Variants in SLC24A4 observed in about 807,000 individuals in gnomAD.
SLC24A4 encodes the protein sodium/potassium/calcium exchanger 4.
Under a neutral mutation model 79.0 loss-of-function variants are expected in SLC24A4, and 53 were observed. The ratio of observed to expected loss-of-function variants is 0.67; its 90% CI spans 0.54 to 0.84. SLC24A4 has a LOEUF of 0.84. Ranked by LOEUF, SLC24A4 falls within the 40% of genes least tolerant of loss-of-function variation. The pLI, the probability that SLC24A4 is intolerant of heterozygous loss-of-function variation, is 0.00. For synonymous variants in SLC24A4, 323 were observed against 323.8 expected, an observed-to-expected ratio of 1.00 and a Z score of 0.03; for missense variants, 731 against 822.0, an observed-to-expected ratio of 0.89 and a Z score of 1.35.
intron 2 of SLC24A4, among the ~76,000 whole-genome samples, chr14:92,376,886 CTT>C (rs2141701215): frequency 6.6e-6 from 1 of 152,234 alleles, no homozygotes; most frequent in South Asian, 2.1e-4. Flanking sequence ...GCCAAGGAGT[CTT>C]TTAAACATCC....
At chr14:92,339,394 C>A (rs762298680) in intron 2 of SLC24A4, among the ~76,000 whole-genome samples, 3 of 152,212 alleles carry the variant, frequency 2.0e-5, no homozygotes, top group Non-Finnish European at 4.4e-5. Context: ...TAGCAGTGTC[C>A]TAAGTGCTTT....
chr14:92,362,368 T>TCTC (rs1395332713), intron 2 of SLC24A4, among the ~76,000 whole-genome samples: 1 of 152,152 alleles, frequency 6.6e-6, no homozygotes, highest in Non-Finnish European at 1.5e-5. Flanking sequence ...CTGCTCCCTC[T>TCTC]CTCACCCCGC....
chr14:92,468,627 G>C (rs550652311), intron 12 of SLC24A4, among the ~76,000 whole-genome samples: 1 of 152,274 alleles, frequency 6.6e-6, no homozygotes, highest in South Asian at 2.1e-4. Context: ...ATTAGCTTTT[G>C]ACAAGGGTAA....
At position 92,442,809 on chromosome 14, in the gene SLC24A4, C is replaced by A; in HGVS notation, c.575C>A (p.Ala192Asp). 6.2e-7 allele frequency: 1 copy of A among 1,613,762 alleles called. No homozygotes were observed. The highest frequency in any genetic ancestry group is 2.2e-5 in the East Asian group (1 of 44,884). Residue 192 changes from alanine to aspartate, a missense_variant, in exon 6 of 17, where the codon GCT becomes GAT. Ala to Asp is a moderately radical substitution (Grantham distance 126, BLOSUM62 -2). Coordinates refer to ENST00000532405, the MANE Select transcript of SLC24A4 (RefSeq NM_153646.4). ...LCIIGVCGLF[A>D]GQVVRLTWWA... ...ATAATTGGAGTGTGCGGACTGTTTG[C>A]TGGCCAGGTCAGTGGTTTCTCCCTG... is the stretch of plus-strand genomic sequence containing the variant.
At chr14:92,373,686 C>T (rs568355816) in intron 2 of SLC24A4, among the ~76,000 whole-genome samples, 16 of 152,284 alleles carry the variant, frequency 1.1e-4, no homozygotes, top group African/African-American at 3.1e-4. Flanking sequence ...CTGTGGGTTT[C>T]GACGACCGCA....
chr14:92,427,757 G>A (rs538910946), intron 2 of SLC24A4, among the ~76,000 whole-genome samples: 7 of 152,246 alleles, frequency 4.6e-5, no homozygotes, highest in Non-Finnish European at 1.0e-4. Flanking sequence ...AGGGAAGGCC[G>A]AAGGAGCAGC....
At chr14:92,488,930 C>T (rs983478327) in intron 14 of SLC24A4, among the ~76,000 whole-genome samples, 12 of 152,108 alleles carry the variant, frequency 7.9e-5, no homozygotes, top group Admixed American at 6.5e-4. Context: ...TAAGGGCTTG[C>T]AGGAGTGGGG....
chr14:92,413,156 C>T (rs1027858317), intron 2 of SLC24A4, among the ~76,000 whole-genome samples: 1 of 152,150 alleles, frequency 6.6e-6, no homozygotes, highest in Non-Finnish European at 1.5e-5. Flanking sequence ...GTTTAAGATA[C>T]TCTCATCCTG....
intron 14 of SLC24A4, among the ~76,000 whole-genome samples, chr14:92,489,190 C>A (rs1895537915): frequency 2.0e-5 from 3 of 151,970 alleles, no homozygotes; most frequent in African/African-American, 7.3e-5. Flanking sequence ...GTAATCCCAG[C>A]ACTTTGGGAG....
chr14:92,444,744 A>C (rs934401912), intron 7 of SLC24A4, among the ~76,000 whole-genome samples: 1 of 152,056 alleles, frequency 6.6e-6, no homozygotes, highest in African/African-American at 2.4e-5. Context: ...AATTCCAACT[A>C]CTTGGGAGCC....
chr14:92,439,267 G>A (rs1241521667), intron 3 of SLC24A4, 68 bp from the exon 4 acceptor site: 4 of 1,365,668 alleles, frequency 2.9e-6, no homozygotes, highest in South Asian at 1.2e-5. Flanking sequence ...GGTTTGGGGT[G>A]TGGTGGGCCC....
chr14:92,480,369 C>T lies in SLC24A4; in HGVS notation c.1256-2311C>T, dbSNP rs545438645. On this transcript the variant is annotated intron_variant, in intron 12 of 16. Transcript: ENST00000532405. Reference sequence around the variant, plus strand: ...ACTGCAGTGGCACAATCTCAGCTCACTGCAAGCTCCACTTCCCGGGTTCAC... The same window carrying T: ...ACTGCAGTGGCACAATCTCAGCTCATTGCAAGCTCCACTTCCCGGGTTCAC... Among the ~76,000 whole-genome samples the T allele has an allele frequency of 1.5e-4, 18 of 121,640 alleles. 1 individual carries two copies. The South Asian group carries it at 4.7e-3, about 32-fold the overall frequency. The allele number at this position is 121,640 out of a possible 152,430, so 79.8% of individuals were successfully genotyped here. A position where few individuals can be genotyped will look rare whatever the true frequency, so the allele number is the denominator to read the frequency against.
At chr14:92,400,549 C>T (rs1326244477) in intron 2 of SLC24A4, among the ~76,000 whole-genome samples, 5 of 151,838 alleles carry the variant, frequency 3.3e-5, no homozygotes, top group Non-Finnish European at 1.5e-5. Flanking sequence ...GCTCTGGACA[C>T]AGTCGCCTTC....
chr14:92,352,428 G>A (rs1309831906), intron 2 of SLC24A4, among the ~76,000 whole-genome samples: 2 of 152,210 alleles, frequency 1.3e-5, no homozygotes, highest in Non-Finnish European at 2.9e-5. Flanking sequence ...ATGACAGGAG[G>A]AATGAGCTGG....
intron 2 of SLC24A4, among the ~76,000 whole-genome samples, chr14:92,391,850 C>T (rs993366984): frequency 3.3e-5 from 5 of 152,362 alleles, no homozygotes; most frequent in East Asian, 1.9e-4. Flanking sequence ...CCCAGCCCAC[C>T]GCCAGCACCA....
At chr14:92,392,605 G>A (rs1339400532) in intron 2 of SLC24A4, among the ~76,000 whole-genome samples, 9 of 152,208 alleles carry the variant, frequency 5.9e-5, no homozygotes, top group Admixed American at 5.9e-4. Context: ...TCTGCCAAGG[G>A]GGTCTTGGAG....
chr14:92,433,965 G>A lies in SLC24A4; in HGVS notation c.295G>A (p.Ala99Thr). ...LFSNKERQHG[A>T]VLLHILGALY... ...CTCCAATAAGGAGCGACAGCACGGA[G>A]CCGTCCTGCTGCACATCCTTGGTGT... Residue 99 changes from alanine to threonine, a missense_variant, in exon 3 of 17, where the codon GCC becomes ACC. Coordinates refer to ENST00000532405, the MANE Select transcript of SLC24A4 (RefSeq NM_153646.4). The A allele has an allele frequency of 6.2e-7, 1 of 1,614,200 alleles. No homozygotes were observed. Among genetic ancestry groups the A allele is most frequent in the Non-Finnish European group, 8.5e-7 (1 of 1,180,014 alleles).
At chr14:92,443,363 G>A (rs1310810405) in intron 6 of SLC24A4, 37 bp from the exon 7 acceptor site, 14 of 1,611,386 alleles carry the variant, frequency 8.7e-6, no homozygotes, top group Non-Finnish European at 1.2e-5. Context: ...CCCCGCTTCT[G>A]CGCTCATAGC....
At chr14:92,368,753 G>A (rs978807617) in intron 2 of SLC24A4, among the ~76,000 whole-genome samples, 1 of 152,138 alleles carries the variant, frequency 6.6e-6, no homozygotes, top group Non-Finnish European at 1.5e-5. Context: ...CTGGTAGAAC[G>A]TCGAGGTTGA....
Sources: gnomAD v4.1 joint callset for allele counts (sites outside exome capture counted in the v4.1 genomes callset) on GRCh38, gnomAD v4.1.1 for gene constraint, MANE v1.5 for transcripts, NCBI Gene and HGNC (gene_info 2026-07-23, HGNC 2026-07-21) for gene names.